Variants in DIS3L observed in about 807,000 individuals in gnomAD.
DIS3L encodes DIS3-like exonuclease 1.
DIS3L carries 100 observed loss-of-function variants against 120.3 expected under a neutral mutation model. The ratio of observed to expected loss-of-function variants is 0.83; its 90% CI spans 0.71 to 0.98. The LOEUF is 0.98. DIS3L is among the 50% of genes least tolerant of loss of function. The pLI is 0.00. For missense variants in DIS3L, 1,196 were observed against 1,314.2 expected (o/e 0.91, Z 1.39); for synonymous variants, 426 against 470.6 (o/e 0.91, Z 1.23).
upstream of DIS3L, chr15:66,293,556 G>T: frequency 7.2e-7 from 1 of 1,389,900 alleles, no homozygotes; most frequent in Non-Finnish European, 9.4e-7. Context: ...CCTTGCCTCC[G>T]CCGCGCCCGC....
intron 9 of DIS3L, among the ~76,000 whole-genome samples, chr15:66,322,442 G>A (rs899839590): frequency 2.6e-5 from 4 of 152,112 alleles, no homozygotes; most frequent in Admixed American, 6.6e-5. Flanking sequence ...CAACTGTAAG[G>A]GTCCTCAGGG....
chr15:66,321,659 G>A (rs1163145507), intron 9 of DIS3L, among the ~76,000 whole-genome samples: 2 of 149,334 alleles, frequency 1.3e-5, no homozygotes, highest in Non-Finnish European at 1.5e-5. Flanking sequence ...CCAGCTACTC[G>A]GGAGGCTGAG....
intron 5 of DIS3L, among the ~76,000 whole-genome samples, chr15:66,312,767 C>T (rs1449068947): frequency 6.6e-6 from 1 of 152,018 alleles, no homozygotes; most frequent in African/African-American, 2.4e-5. Flanking sequence ...TTTGTGTGTC[C>T]ACCACCACAA....
intron 2 of DIS3L, among the ~76,000 whole-genome samples, chr15:66,302,437 A>T (rs780387061): frequency 6.6e-6 from 1 of 152,218 alleles, no homozygotes; most frequent in Admixed American, 6.5e-5. Flanking sequence ...AGTGATGTCT[A>T]TGAAGCTTAG....
At chr15:66,303,274 CTGTT>C (rs1400009428) in intron 2 of DIS3L, among the ~76,000 whole-genome samples, 1 of 152,168 alleles carries the variant, frequency 6.6e-6, no homozygotes, top group Non-Finnish European at 1.5e-5. Flanking sequence ...ATACAAATGT[CTGTT>C]TGAGTCCTTG....
At chr15:66,298,882 C>T (rs2092617855) in intron 2 of DIS3L, among the ~76,000 whole-genome samples, 1 of 152,166 alleles carries the variant, frequency 6.6e-6, no homozygotes, top group Non-Finnish European at 1.5e-5. Context: ...CAGTGGCGAA[C>T]CAAAGCAGAT....
At position 66,332,749 on chromosome 15, in the gene DIS3L, G is replaced by T. The variant is rs772350555; in HGVS notation, c.2695G>T (p.Gly899Cys). Reference protein sequence around the residue: ...LLFIPRFGIKGAAYLKNKDGL... With the variant: ...LLFIPRFGIKCAAYLKNKDGL... ...GTCATAATATAGGTTTGGGATTAAA[G>T]GTGCTGCTTATCTAAAAAATAAAGA... Residue 899 changes from glycine to cysteine, a missense_variant, in exon 16 of 17, where the codon GGT becomes TGT. By Grantham distance (159) the Gly-to-Cys change is radical (BLOSUM62 -3). Transcript: ENST00000319212. 5.6e-6 allele frequency: 9 copies of T among 1,612,408 alleles called. No individual in the cohort carries two copies. Among genetic ancestry groups the T allele is most frequent in the Non-Finnish European group, 7.6e-6 (9 of 1,179,388 alleles).
In DIS3L at chr15:66,311,729, C is replaced by A. The variant is rs372686726; in HGVS notation, c.564C>A (p.Tyr188Ter). The A allele has an allele frequency of 1.4e-5, 22 of 1,613,904 alleles. No individual in the cohort carries two copies. Among genetic ancestry groups the A allele is most frequent in the Non-Finnish European group, 1.5e-5 (18 of 1,179,940 alleles). The stretch of plus-strand genomic sequence containing the variant: ...TGTGCCTTTATTAAATACAGAATTA[C>A]CTGGACAATTTCTGGCCTGATTTAA... ...EGVFVITFKN[Y>*]LDNFWPDLKA... Residue 188 changes from tyrosine (Y) to a stop codon, truncating the protein, a stop_gained, in exon 5 of 17, where the codon TAC becomes TAA. Coordinates refer to ENST00000319212, the MANE Select transcript of DIS3L (RefSeq NM_001143688.3). LOFTEE classifies it high-confidence loss of function.
chr15:66,319,443 A>G (rs2092856588), intron 8 of DIS3L, among the ~76,000 whole-genome samples: 1 of 152,204 alleles, frequency 6.6e-6, no homozygotes, highest in South Asian at 2.1e-4. Context: ...CCAGCAAGCA[A>G]TATAGAAATA....
chr15:66,324,667 A>G (rs1354199257), intron 11 of DIS3L, among the ~76,000 whole-genome samples: 3 of 152,212 alleles, frequency 2.0e-5, no homozygotes, highest in Non-Finnish European at 2.9e-5. Context: ...TGCCAACACA[A>G]TATGTTGTAT....
intron 9 of DIS3L, among the ~76,000 whole-genome samples, 173 bp from the exon 10 acceptor site, chr15:66,322,514 A>G (rs2092895311): frequency 6.6e-6 from 1 of 152,172 alleles, no homozygotes; most frequent in Admixed American, 6.5e-5. Flanking sequence ...AGTACCTGGG[A>G]TATCTGAGGC....
intron 9 of DIS3L, 65 bp from the exon 10 acceptor site, chr15:66,322,622 T>C: frequency 6.3e-6 from 10 of 1,592,994 alleles, no homozygotes; most frequent in Non-Finnish European, 8.6e-6. Context: ...CTGAGAATAT[T>C]AGTGAGTGGA....
intron 7 of DIS3L, among the ~76,000 whole-genome samples, chr15:66,316,712 A>G (rs2092820457): frequency 6.6e-6 from 1 of 152,174 alleles, no homozygotes; most frequent in African/African-American, 2.4e-5. Flanking sequence ...GCTACTGGGA[A>G]GCTGAGGCAC....
chr15:66,320,574 T>C lies in DIS3L; in HGVS notation c.1168T>C (p.Phe390Leu), dbSNP rs532107952. The C allele has an allele frequency of 5.0e-6, 8 of 1,613,326 alleles. No homozygotes were observed. Among genetic ancestry groups the C allele is most frequent in the South Asian group, 4.4e-5 (4 of 90,828 alleles). The change falls in exon 9 of 17, where the codon TTC (phenylalanine) becomes CTC (leucine). Residue 390 changes from phenylalanine (F) to leucine (L), a missense_variant. Coordinates refer to ENST00000319212, the MANE Select transcript of DIS3L (RefSeq NM_001143688.3). ...STQQAETLQDFRVVVRIDSWE... is the reference protein window; with the variant it reads ...STQQAETLQDLRVVVRIDSWE... ...TTTATTTTTTCCTTTTGTGCAGGAC[T>C]TCAGGGTGGTCGTGCGCATCGATTC... is the stretch of plus-strand genomic sequence containing the variant.
rs1555401906 is a variant in DIS3L, at chr15:66,309,094, A to AATATATATATATATATATATATAT, written c.558+260_558+261insATATATATATATATATATATATAT. ...CTTGTCTCTACAGAAAAAAAAAAAA[A>AATATATATATATATATATATATAT]ATATATATATCTCCAAGCATGGTGG... On this transcript the variant is annotated intron_variant, in intron 4 of 16. Coordinates refer to ENST00000319212, the MANE Select transcript of DIS3L (RefSeq NM_001143688.3). 7.2e-4 allele frequency among the ~76,000 whole-genome samples: 11 copies of AATATATATATATATATATATATAT among 15,316 alleles called. 1 individual carries two copies. Among genetic ancestry groups the AATATATATATATATATATATATAT allele is most frequent in the African/African-American group, 1.8e-3 (9 of 5,124 alleles). 10.0% of individuals were successfully genotyped at this position (15,316 alleles called of 152,430 possible). A position where few individuals can be genotyped will look rare whatever the true frequency, so the allele number is the denominator to read the frequency against.
At chr15:66,293,488 G>A, upstream of DIS3L, 1 of 1,237,370 alleles carries the variant, frequency 8.1e-7, no homozygotes, top group Non-Finnish European at 1.0e-6. Context: ...GGGCGCGGCA[G>A]TTACGGCGGT....
chr15:66,306,976 T>C, intron 3 of DIS3L, 24 bp downstream of exon 3: 3 of 1,612,206 alleles, frequency 1.9e-6, no homozygotes, highest in Non-Finnish European at 2.5e-6. Context: ...TTGCTGCTGT[T>C]TTCACACTGT....
In DIS3L at chr15:66,320,713, T is replaced by C. The variant is rs2092874689; in HGVS notation, c.1307T>C (p.Ile436Thr). ...CTGGTGGAAAACAGTATTTCAGTTA[T>C]TCCTTTCTCAGAAGCTCAGGTCAGA... ...TILVENSISV[I>T]PFSEAQMCEM... The change falls in exon 9 of 17, where the codon ATT (isoleucine) becomes ACT (threonine). Residue 436 changes from isoleucine to threonine, a missense_variant. Ile to Thr is a moderately conservative substitution (Grantham distance 89). Transcript: ENST00000319212. 6.2e-7 allele frequency: 1 copy of C among 1,613,680 alleles called. No homozygotes were observed. The highest frequency in any genetic ancestry group is 8.5e-7 in the Non-Finnish European group (1 of 1,179,870).
intron 7 of DIS3L, 124 bp downstream of exon 7, chr15:66,315,339 CTG>C: frequency 1.0e-6 from 1 of 956,362 alleles, no homozygotes; most frequent in Non-Finnish European, 1.5e-6. Context: ...TTGACAAAAA[CTG>C]TATTTATTGT....
Sources: allele counts gnomAD v4.1 joint callset (sites outside exome capture counted in the v4.1 genomes callset), GRCh38; gene constraint gnomAD v4.1.1; transcripts MANE v1.5; gene names NCBI Gene and HGNC (gene_info 2026-07-23, HGNC 2026-07-21).